The following TAFA5 variants were observed in gnomAD, a reference collection of about 807,000 sequenced individuals.
The protein encoded by TAFA5 is TAFA chemokine like family member 5.
TAFA5 carries 6 observed loss-of-function variants against 15.3 expected under a neutral mutation model. That is an observed-to-expected ratio of 0.39 (90% CI 0.21 to 0.77). The LOEUF (loss-of-function observed/expected upper bound fraction) is 0.77, where lower values mean the gene tolerates loss of function less well. Among genes scored for constraint, TAFA5 ranks in the 30% least tolerant of loss-of-function variants. The probability of loss-of-function intolerance (pLI) is 0.41; values close to 1 mark genes in which losing one functional copy is unlikely to be tolerated. For missense variants in TAFA5, 161 were observed against 193.1 expected, an observed-to-expected ratio of 0.83 and a Z score of 0.98; for synonymous variants, 103 against 80.7, an observed-to-expected ratio of 1.28 and a Z score of -1.48.
chr22:48,623,197 G>A (rs116701809), intron 1 of TAFA5, among the ~76,000 whole-genome samples: 10 of 152,250 alleles, frequency 6.6e-5, no homozygotes, highest in African/African-American at 9.6e-5. Flanking sequence ...GCCAGCAGCC[G>A]CAGCCTGTTG....
intron 2 of TAFA5, among the ~76,000 whole-genome samples, chr22:48,677,513 G>T (rs1236561314): frequency 1.3e-5 from 2 of 152,224 alleles, no homozygotes; most frequent in Non-Finnish European, 2.9e-5. Context: ...GACCAGAGGG[G>T]CCAATCAGCT....
intron 3 of TAFA5, among the ~76,000 whole-genome samples, chr22:48,714,749 C>A (rs375337753): frequency 2.6e-5 from 4 of 152,318 alleles, no homozygotes; most frequent in East Asian, 1.9e-4. Context: ...TAACCAATGA[C>A]CACGTTCTGA....
chr22:48,613,561 G>A (rs73173448), intron 1 of TAFA5, among the ~76,000 whole-genome samples: 25,792 of 152,130 alleles, frequency 0.17, 2,541 homozygotes, highest in Non-Finnish European at 0.22. Context: ...CCTGTGGTTC[G>A]GCCAGGCGCT....
chr22:48,623,027 C>T (rs1322223464), intron 1 of TAFA5, among the ~76,000 whole-genome samples: 1 of 152,262 alleles, frequency 6.6e-6, no homozygotes, highest in Non-Finnish European at 1.5e-5. Flanking sequence ...CCAGACGGCC[C>T]TCTCCATCTC....
chr22:48,589,289 T>G (rs1924474177), intron 1 of TAFA5, among the ~76,000 whole-genome samples: 1 of 152,196 alleles, frequency 6.6e-6, no homozygotes, highest in African/African-American at 2.4e-5. Context: ...TCTCATGGGA[T>G]CATTTATGTG....
In TAFA5 at chr22:48,576,041, C is replaced by T. The variant is rs560497691; in HGVS notation, c.113-70556C>T. On this transcript the variant is annotated intron_variant, in intron 1 of 3. Transcript: ENST00000402357. ...GGAGGGGGCCGGGGCCGCGCCGGAC[C>T]CCCCCCCCCCCCGCGCCGCCCGGCC... Among the ~76,000 whole-genome samples, 68 of 48,120 alleles carry T rather than the reference C, an allele frequency of 1.4e-3. 2 individuals carry two copies. Among genetic ancestry groups the T allele is most frequent in the Middle Eastern group, 0.01 (1 of 96 alleles). The allele number at this position is 48,120 out of a possible 152,430, so 31.6% of individuals were successfully genotyped here.
intron 1 of TAFA5, among the ~76,000 whole-genome samples, chr22:48,640,401 T>C (rs1015362241): frequency 1.3e-5 from 2 of 152,138 alleles, no homozygotes; most frequent in Non-Finnish European, 2.9e-5. Context: ...CTCCAGCCTG[T>C]GCGCCCAGTG....
At chr22:48,644,533 A>G (rs1288846458) in intron 1 of TAFA5, among the ~76,000 whole-genome samples, 2 of 152,166 alleles carry the variant, frequency 1.3e-5, no homozygotes, top group Non-Finnish European at 2.9e-5. Context: ...GGCACTCCCC[A>G]GGGTTGAGGA....
At chr22:48,534,800 G>C (rs1922095841) in intron 1 of TAFA5, among the ~76,000 whole-genome samples, 1 of 152,168 alleles carries the variant, frequency 6.6e-6, no homozygotes, top group Non-Finnish European at 1.5e-5. Flanking sequence ...CTCTGCTGCA[G>C]GTCAGGGACA....
At chr22:48,528,137 G>A (rs899182044) in intron 1 of TAFA5, among the ~76,000 whole-genome samples, 3 of 152,180 alleles carry the variant, frequency 2.0e-5, no homozygotes, top group Admixed American at 6.5e-5. Flanking sequence ...TGATGGCGTC[G>A]ATGATGCTGA....
chr22:48,521,673 G>A (rs1921604659), intron 1 of TAFA5, among the ~76,000 whole-genome samples: 1 of 152,144 alleles, frequency 6.6e-6, no homozygotes, highest in African/African-American at 2.4e-5. Context: ...GAGGATGCGT[G>A]GCCACAGATG....
intron 1 of TAFA5, among the ~76,000 whole-genome samples, chr22:48,503,599 G>A (rs1920966566): frequency 6.6e-6 from 1 of 152,230 alleles, no homozygotes; most frequent in Non-Finnish European, 1.5e-5. Flanking sequence ...CTGCCATCCA[G>A]CTACAAACGG....
chr22:48,659,615 C>T (rs1012714436), intron 2 of TAFA5, among the ~76,000 whole-genome samples: 1 of 152,000 alleles, frequency 6.6e-6, no homozygotes, highest in Non-Finnish European at 1.5e-5. Flanking sequence ...CTGCTTTTCT[C>T]CCTGTCATCA....
chr22:48,717,736 C>G (rs986359731), intron 3 of TAFA5, among the ~76,000 whole-genome samples: 2 of 152,226 alleles, frequency 1.3e-5, no homozygotes, highest in East Asian at 3.9e-4. Context: ...GGCCTCTGCC[C>G]TCCAGGAGCC....
At chr22:48,622,485 TGAA>T (rs909896198) in intron 1 of TAFA5, among the ~76,000 whole-genome samples, 1 of 151,406 alleles carries the variant, frequency 6.6e-6, no homozygotes, top group African/African-American at 2.4e-5. Flanking sequence ...ATTTCTGGAG[TGAA>T]GGAGTGGACA....
chr22:48,586,445 G>T (rs1924364866), intron 1 of TAFA5, among the ~76,000 whole-genome samples: 1 of 152,186 alleles, frequency 6.6e-6, no homozygotes, highest in Non-Finnish European at 1.5e-5. Context: ...TCTCCTCTTT[G>T]CAGGAAGGGA....
chr22:48,631,589 A>T (rs1926228924), intron 1 of TAFA5, among the ~76,000 whole-genome samples: 1 of 152,128 alleles, frequency 6.6e-6, no homozygotes, highest in Non-Finnish European at 1.5e-5. Context: ...CATTACCCAG[A>T]TGCACAGCCC....
chr22:48,746,872 T>C (rs1215392868), intron 3 of TAFA5, among the ~76,000 whole-genome samples: 2 of 152,042 alleles, frequency 1.3e-5, no homozygotes, highest in Non-Finnish European at 2.9e-5. Context: ...GAGCTCCCCG[T>C]CCCACCCCGG....
intron 3 of TAFA5, among the ~76,000 whole-genome samples, chr22:48,716,858 A>G (rs1929416758): frequency 6.6e-6 from 1 of 152,206 alleles, no homozygotes; most frequent in Non-Finnish European, 1.5e-5. Context: ...TTGGAGACAT[A>G]AAACTGAGGC....
Sources: gnomAD v4.1 joint callset for allele counts (sites outside exome capture counted in the v4.1 genomes callset) on GRCh38, gnomAD v4.1.1 for gene constraint, MANE v1.5 for transcripts, NCBI Gene and HGNC (gene_info 2026-07-23, HGNC 2026-07-21) for gene names.